The following NEBL variants were observed in gnomAD, a reference collection of about 807,000 sequenced individuals.
The protein encoded by NEBL is nebulette, also known as LIM and SH3 protein 2.
In NEBL, 122 loss-of-function variants were observed where a neutral mutation model predicts 140.2. The observed-to-expected ratio is 0.87, with a 90% CI of 0.75 to 1.01. NEBL has a LOEUF of 1.01. NEBL is among the 50% of genes least tolerant of loss of function. The probability of loss-of-function intolerance (pLI) is 0.00; values close to 1 mark genes in which losing one functional copy is unlikely to be tolerated. For missense variants in NEBL, 1,365 were observed against 1,231.3 expected (o/e 1.11, Z -1.62); for synonymous variants, 436 against 398.9 (o/e 1.09, Z -1.11).
intron 3 of NEBL, among the ~76,000 whole-genome samples, chr10:21,204,711 C>T (rs2132230170): frequency 6.6e-6 from 1 of 152,324 alleles, no homozygotes; most frequent in South Asian, 2.1e-4. Flanking sequence ...CACTCCATGA[C>T]ACCCAGCCTG....
chr10:21,128,520 A>G (rs1323806746), intron 2 of NEBL, among the ~76,000 whole-genome samples: 1 of 152,182 alleles, frequency 6.6e-6, no homozygotes, highest in Non-Finnish European at 1.5e-5. Context: ...TAATCTAAAG[A>G]GATAACACAC....
intron 2 of NEBL, among the ~76,000 whole-genome samples, chr10:21,081,302 C>G (rs746170121): frequency 2.6e-5 from 4 of 152,166 alleles, no homozygotes; most frequent in Non-Finnish European, 4.4e-5. Flanking sequence ...GGAGCTCCAG[C>G]AGCTGGCACA....
At chr10:21,103,913 G>T (rs1374776332) in intron 2 of NEBL, among the ~76,000 whole-genome samples, 1 of 152,000 alleles carries the variant, frequency 6.6e-6, no homozygotes, top group Non-Finnish European at 1.5e-5. Context: ...AAGTTTAATT[G>T]CCTGAACTCT....
intron 2 of NEBL, among the ~76,000 whole-genome samples, chr10:21,096,009 C>T (rs1003424378): frequency 6.6e-6 from 1 of 152,122 alleles, no homozygotes; most frequent in Admixed American, 6.5e-5. Flanking sequence ...CTCTAACATT[C>T]GAAATGTAAC....
At chr10:21,048,576 A>G (rs1834625849) in intron 2 of NEBL, among the ~76,000 whole-genome samples, 1 of 152,224 alleles carries the variant, frequency 6.6e-6, no homozygotes, top group African/African-American at 2.4e-5. Context: ...TCCAAGAAAC[A>G]GAATCAATAA....
At chr10:21,167,261 A>T (rs971284691) in intron 2 of NEBL, among the ~76,000 whole-genome samples, 29 of 152,130 alleles carry the variant, frequency 1.9e-4, no homozygotes, top group Non-Finnish European at 7.3e-5. Context: ...GTTAAGTGAA[A>T]CTCTTTGATG....
At chr10:20,860,150 C>G (rs1843529738) in intron 7 of NEBL, among the ~76,000 whole-genome samples, 1 of 151,994 alleles carries the variant, frequency 6.6e-6, no homozygotes, top group South Asian at 2.1e-4. Flanking sequence ...AAACCTAGAC[C>G]ACAAATGTCT....
intron 2 of NEBL, among the ~76,000 whole-genome samples, chr10:21,068,232 C>A (rs1295791353): frequency 6.6e-6 from 1 of 152,196 alleles, no homozygotes; most frequent in Admixed American, 6.5e-5. Flanking sequence ...CATTTGTCAG[C>A]ACTTTTCAAT....
intron 4 of NEBL, among the ~76,000 whole-genome samples, chr10:20,945,468 G>A (rs1427757708): frequency 6.6e-6 from 1 of 152,110 alleles, no homozygotes; most frequent in Non-Finnish European, 1.5e-5. Flanking sequence ...ATATTCTGAA[G>A]GAGAAAAAGC....
At position 21,224,621 on chromosome 10, in the gene NEBL, C is replaced by T. The variant is rs144745243; in HGVS notation, n.348+23300G>A. ...TTTGGACATTTTAACAATATTTATT[C>T]TTCCAATCCATGAATATGGAATATC... is the stretch of plus-strand genomic sequence containing the variant. On this transcript the variant is annotated intron_variant and non_coding_transcript_variant, in intron 3 of 8. Coordinates refer to the NEBL transcript ENST00000675702. Among the ~76,000 whole-genome samples, 1,236 of 152,192 alleles carry T rather than the reference C, an allele frequency of 8.1e-3. 18 individuals carry two copies. Among genetic ancestry groups the T allele is most frequent in the African/African-American group, 0.028 (1,176 of 41,532 alleles).
Position 20,787,593 on chromosome 10 carries a change from T to A in NEBL, c.2762-285A>T, listed in dbSNP as rs1398545714. On this transcript the variant is annotated intron_variant, in intron 26 of 27. Transcript: ENST00000377122. ...CTCAGTTAAAAACATAAACAAAAAT[T>A]TTTCATACTCCCTTAATGAAATCAT... is the stretch of plus-strand genomic sequence containing the variant. 2.0e-5 allele frequency among the ~76,000 whole-genome samples: 3 copies of A among 152,256 alleles called. No homozygotes were observed. In the East Asian group the frequency reaches 5.8e-4, roughly 29 times the overall value.
intron 14 of NEBL, among the ~76,000 whole-genome samples, chr10:20,834,031 C>T (rs10828140): frequency 0.41 from 62,565 of 151,962 alleles, 13,771 homozygotes; most frequent in African/African-American, 0.57. Flanking sequence ...TGGCCTGTAA[C>T]GTTGAGATCC....
chr10:21,182,521 G>A (rs11012563), intron 3 of NEBL, among the ~76,000 whole-genome samples: 14,335 of 152,128 alleles, frequency 0.094, 1,399 homozygotes, highest in African/African-American at 0.23. Context: ...GTAGAAGTGC[G>A]TATATTCTTG....
rs763015983 is a variant in NEBL at position 20,785,749 on chromosome 10, A to C, written c.3043T>G (p.Ter1015GluextTer7). 6.2e-7 allele frequency: 1 copy of C among 1,613,576 alleles called. No individual in the cohort carries two copies. Among genetic ancestry groups the C allele is most frequent in the Non-Finnish European group, 8.5e-7 (1 of 1,179,816 alleles). The change falls in exon 28 of 28, where the codon TAA becomes GAA. Residue 1015 changes from the stop codon to glutamate, a stop_lost. Transcript: ENST00000377122. ...LPANYIEFVN[*>E] ...GCTCAAAGGGCAGGGAGAAATAATT[A>C]ATTAACAAACTCAATGTAATTCGCT...
At chr10:20,989,347 T>C (rs1349198109) in intron 3 of NEBL, among the ~76,000 whole-genome samples, 4 of 152,330 alleles carry the variant, frequency 2.6e-5, no homozygotes, top group South Asian at 2.1e-4. Flanking sequence ...ATTCAAAACA[T>C]GTCTTAGCCT....
At chr10:20,883,385 C>T (rs1588934320) in intron 4 of NEBL, among the ~76,000 whole-genome samples, 1 of 152,202 alleles carries the variant, frequency 6.6e-6, no homozygotes. Context: ...CACCAACATA[C>T]TCCATCAAGA....
At chr10:21,195,159 A>G (rs180853215) in intron 3 of NEBL, among the ~76,000 whole-genome samples, 270 of 152,298 alleles carry the variant, frequency 1.8e-3, no homozygotes, top group African/African-American at 5.9e-3. Context: ...TCCTATCTAG[A>G]TGACTGTCAA....
intron 2 of NEBL, among the ~76,000 whole-genome samples, chr10:21,063,084 A>G (rs893880): frequency 0.92 from 139,227 of 152,158 alleles, 63,883 homozygotes; most frequent in African/African-American, 0.96. Context: ...CCAAAGTGAT[A>G]TCAGCATGGG....
chr10:21,139,125 A>G (rs536949247), intron 2 of NEBL, among the ~76,000 whole-genome samples: 181 of 152,324 alleles, frequency 1.2e-3, no homozygotes, highest in Admixed American at 4.4e-3. Context: ...TCAGATGTTA[A>G]GAGTCACGGC....
Sources: gnomAD v4.1 joint callset for allele counts (sites outside exome capture counted in the v4.1 genomes callset) on GRCh38, gnomAD v4.1.1 for gene constraint, MANE v1.5 for transcripts, NCBI Gene and HGNC (gene_info 2026-07-23, HGNC 2026-07-21) for gene names.